Variants in CNTN3 observed in about 807,000 individuals in gnomAD.
CNTN3 encodes the protein contactin 3.
CNTN3 carries 60 observed loss-of-function variants against 119.1 expected under a neutral mutation model. That is an observed-to-expected ratio of 0.50 (90% CI 0.41 to 0.62). The LOEUF is 0.62. CNTN3 is among the 20% of genes least tolerant of loss of function. The pLI is 0.00. For missense variants in CNTN3, 1,101 were observed against 1,242.4 expected (o/e 0.89, Z 1.71); for synonymous variants, 450 against 438.7 (o/e 1.03, Z -0.32).
chr3:74,333,865 G>C (rs1703328516), intron 13 of CNTN3, among the ~76,000 whole-genome samples: 3 of 152,110 alleles, frequency 2.0e-5, no homozygotes, highest in Admixed American at 6.5e-5. Flanking sequence ...ACTTTACTGA[G>C]GCCTGTATGT....
intron 1 of CNTN3, among the ~76,000 whole-genome samples, chr3:74,580,347 A>G (rs920563893): frequency 6.6e-6 from 1 of 152,220 alleles, no homozygotes; most frequent in Non-Finnish European, 1.5e-5. Context: ...CGTTCAAAAC[A>G]TAGAGGAAGA....
At chr3:74,513,271 A>G (rs1160462280) in intron 2 of CNTN3, among the ~76,000 whole-genome samples, 1 of 152,186 alleles carries the variant, frequency 6.6e-6, no homozygotes, top group African/African-American at 2.4e-5. Context: ...CAGTGCTTCC[A>G]TGTCCACAAG....
chr3:74,396,198 G>T (rs1705047802), intron 5 of CNTN3, among the ~76,000 whole-genome samples: 1 of 152,136 alleles, frequency 6.6e-6, no homozygotes, highest in African/African-American at 2.4e-5. Flanking sequence ...TAAATCAAAA[G>T]CCAGCAATGA....
At chr3:74,336,682 A>C (rs762488581) in intron 11 of CNTN3, 24 bp from the exon 12 acceptor site, 2 of 1,561,962 alleles carry the variant, frequency 1.3e-6, no homozygotes, top group Admixed American at 1.7e-5. Flanking sequence ...AAATAAGATA[A>C]ATAAATATAT....
chr3:74,278,003 A>G (rs944045683), intron 20 of CNTN3, among the ~76,000 whole-genome samples: 8 of 146,078 alleles, frequency 5.5e-5, no homozygotes, highest in African/African-American at 2.1e-4. Context: ...CAAAAACTCA[A>G]CCCCTTTTAC....
rs1575733843 is a variant in CNTN3 at position 74,334,850 on chromosome 3, A to G, written c.1553T>C (p.Ile518Thr). ...NMDVSVGESV[I>T]LPCQVQHDPL... ...GTCATGTTGTACCTGGCAGGGCAAT[A>G]TGACGCTTTCACCAACAGAAACATC... The change falls in exon 13 of 23, where the codon ATA becomes ACA. Residue 518 changes from isoleucine (I) to threonine (T), a missense_variant. Ile to Thr is a moderately conservative substitution (Grantham distance 89). Coordinates refer to ENST00000263665, the MANE Select transcript of CNTN3 (RefSeq NM_020872.3). 6.2e-7 allele frequency: 1 copy of G among 1,613,696 alleles called. No individual in the cohort carries two copies. The highest frequency in any genetic ancestry group is 2.2e-5 in the East Asian group (1 of 44,862).
chr3:74,287,129 G>T (rs1702129985), intron 19 of CNTN3, among the ~76,000 whole-genome samples: 2 of 152,250 alleles, frequency 1.3e-5, no homozygotes, highest in South Asian at 4.1e-4. Context: ...TCGTATTCAA[G>T]TCTCAATACT....
At chr3:74,361,336 C>A (rs766217491) in intron 11 of CNTN3, among the ~76,000 whole-genome samples, 2 of 152,102 alleles carry the variant, frequency 1.3e-5, no homozygotes, top group Non-Finnish European at 2.9e-5. Context: ...CAGCACTGAG[C>A]AAGTAAAGGC....
At chr3:74,594,450 C>G (rs552669134) in intron 1 of CNTN3, among the ~76,000 whole-genome samples, 6 of 151,814 alleles carry the variant, frequency 4.0e-5, no homozygotes, top group Admixed American at 2.0e-4. Flanking sequence ...CCTCTCCCCC[C>G]ACCCCACAAC....
intron 1 of CNTN3, among the ~76,000 whole-genome samples, chr3:74,545,049 A>C (rs2107152118): frequency 6.6e-6 from 1 of 152,330 alleles, no homozygotes; most frequent in East Asian, 1.9e-4. Context: ...GTTGGAGTTC[A>C]TGCAGGGTTA....
chr3:74,317,432 C>T (rs1702863064), intron 13 of CNTN3, among the ~76,000 whole-genome samples: 3 of 151,174 alleles, frequency 2.0e-5, no homozygotes, highest in East Asian at 3.9e-4. Context: ...CTTCCTAGCC[C>T]TGATGGTCTT....
chr3:74,464,556 G>A (rs71319855), intron 4 of CNTN3, among the ~76,000 whole-genome samples: 7 of 152,096 alleles, frequency 4.6e-5, no homozygotes, highest in African/African-American at 1.2e-4. Context: ...CTTACATCCT[G>A]GTCCAGAGGA....
chr3:74,267,184 G>C, intron 21 of CNTN3, 82 bp downstream of exon 21: 1 of 802,324 alleles, frequency 1.2e-6, no homozygotes, highest in East Asian at 2.5e-5. Flanking sequence ...TCAATATATA[G>C]AAAAATTCAC....
intron 13 of CNTN3, among the ~76,000 whole-genome samples, chr3:74,330,390 A>AC (rs1473807618): frequency 5.9e-5 from 9 of 151,950 alleles, no homozygotes; most frequent in Non-Finnish European, 1.3e-4. Context: ...GACTAGTGAC[A>AC]CTGTAGCCAT....
chr3:74,525,687 C>T (rs1289164909), intron 1 of CNTN3, among the ~76,000 whole-genome samples: 1 of 151,852 alleles, frequency 6.6e-6, no homozygotes, highest in Non-Finnish European at 1.5e-5. Context: ...AATATATTCA[C>T]AACACGTTCT....
At chr3:74,434,473 T>A (rs555101852) in intron 4 of CNTN3, among the ~76,000 whole-genome samples, 2 of 152,308 alleles carry the variant, frequency 1.3e-5, no homozygotes, top group African/African-American at 4.8e-5. Flanking sequence ...ATGCCCAACT[T>A]TTCTGAACAC....
At chr3:74,347,682 C>T (rs990305361) in intron 11 of CNTN3, among the ~76,000 whole-genome samples, 1 of 152,182 alleles carries the variant, frequency 6.6e-6, no homozygotes, top group East Asian at 1.9e-4. Flanking sequence ...CTGTCTTATT[C>T]ACTGTGGTAT....
intron 4 of CNTN3, among the ~76,000 whole-genome samples, chr3:74,427,132 T>G (rs1701707506): frequency 6.6e-6 from 1 of 152,238 alleles, no homozygotes. Context: ...CTTTCTGCAG[T>G]GCACGAGTGC....
In CNTN3 at chr3:74,473,012, A is replaced by G. The variant is rs576371078; in HGVS notation, c.358+13444T>C. 1.1e-4 allele frequency among the ~76,000 whole-genome samples: 16 copies of G among 152,050 alleles called. 1 individual carries two copies. In the South Asian group the frequency reaches 2.5e-3, roughly 24 times the overall value. ...TTTGCATTTGTTTAATCTTTCTTCA[A>G]ACTTCTCTTTCCATGTCTAAATGTG... On this transcript the variant is annotated intron_variant, in intron 4 of 22. Coordinates refer to ENST00000263665, the MANE Select transcript of CNTN3 (RefSeq NM_020872.3).
Sources: allele counts gnomAD v4.1 joint callset (sites outside exome capture counted in the v4.1 genomes callset), GRCh38; gene constraint gnomAD v4.1.1; transcripts MANE v1.5; gene names NCBI Gene and HGNC (gene_info 2026-07-23, HGNC 2026-07-21).